The following SHC3 variants were observed in gnomAD, a reference collection of about 807,000 sequenced individuals.
SHC3 encodes SHC-transforming protein 3.
SHC3 carries 15 observed loss-of-function variants against 60.4 expected under a neutral mutation model. The ratio of observed to expected loss-of-function variants is 0.25; its 90% CI spans 0.17 to 0.38. SHC3 has a LOEUF of 0.38. SHC3 is among the 10% of genes least tolerant of loss of function. The pLI is 1.00. For missense variants in SHC3, 677 were observed against 786.1 expected (o/e 0.86, Z 1.66); for synonymous variants, 294 against 325.9 (o/e 0.90, Z 1.05).
At chr9:89,101,101 A>G (rs1033608134) in intron 2 of SHC3, among the ~76,000 whole-genome samples, 4 of 152,190 alleles carry the variant, frequency 2.6e-5, no homozygotes, top group African/African-American at 9.7e-5. Context: ...TCAATGTTCA[A>G]TAGTTCTTAG....
chr9:89,058,423 T>C (rs1824992731), intron 6 of SHC3, among the ~76,000 whole-genome samples: 1 of 135,026 alleles, frequency 7.4e-6, no homozygotes, highest in Admixed American at 7.4e-5. Flanking sequence ...TGGTATAGGA[T>C]GTGGTGGAGG....
chr9:89,042,886 A>C (rs1471990175), intron 9 of SHC3, among the ~76,000 whole-genome samples: 1 of 151,774 alleles, frequency 6.6e-6, no homozygotes, highest in Non-Finnish European at 1.5e-5. Context: ...ACAGGACTTC[A>C]CAGCTAGCCA....
At chr9:89,085,223 T>A (rs1485726033) in intron 2 of SHC3, among the ~76,000 whole-genome samples, 1 of 152,178 alleles carries the variant, frequency 6.6e-6, no homozygotes, top group East Asian at 1.9e-4. Context: ...TATGTGTGCA[T>A]CCCATGAAGC....
At chr9:89,089,734 C>T (rs188941927) in intron 2 of SHC3, among the ~76,000 whole-genome samples, 1 of 152,292 alleles carries the variant, frequency 6.6e-6, no homozygotes, top group East Asian at 1.9e-4. Flanking sequence ...TTCCCAGGTC[C>T]CAAGTCTTCT....
At chr9:89,128,213 T>C (rs1171584744) in intron 1 of SHC3, among the ~76,000 whole-genome samples, 2 of 152,162 alleles carry the variant, frequency 1.3e-5, no homozygotes, top group Admixed American at 1.3e-4. Flanking sequence ...TTAAAGATTA[T>C]TAGTAAAATT....
intron 1 of SHC3, among the ~76,000 whole-genome samples, chr9:89,120,391 A>G (rs1826076122): frequency 6.6e-6 from 1 of 152,164 alleles, no homozygotes; most frequent in Non-Finnish European, 1.5e-5. Flanking sequence ...AACTCCATAG[A>G]AAAAAATAGG....
chr9:89,062,196 C>T (rs1049136295), intron 6 of SHC3, among the ~76,000 whole-genome samples: 4 of 152,096 alleles, frequency 2.6e-5, no homozygotes, highest in Non-Finnish European at 4.4e-5. Flanking sequence ...GGGAGTCACC[C>T]GGTAGTAATG....
chr9:89,122,267 C>A (rs1028481167), intron 1 of SHC3, among the ~76,000 whole-genome samples: 3 of 152,220 alleles, frequency 2.0e-5, no homozygotes, highest in Non-Finnish European at 4.4e-5. Flanking sequence ...ATTTCTGAAG[C>A]AGTCAGTAAC....
chr9:89,018,485 C>T (rs959731633), intron 11 of SHC3, among the ~76,000 whole-genome samples: 1 of 152,044 alleles, frequency 6.6e-6, no homozygotes. Context: ...ACACCAGGGC[C>T]TGTCAGGGGG....
chr9:89,027,339 T>TTTTTTTTTTTTTTG (rs1564082528), intron 11 of SHC3, among the ~76,000 whole-genome samples: 1 of 151,124 alleles, frequency 6.6e-6, no homozygotes, highest in Admixed American at 6.6e-5. Flanking sequence ...TTTTTTTTTT[T>TTTTTTTTTTTTTTG]GAGACTGAGT....
At chr9:89,138,186 C>T (rs1185516302) in intron 1 of SHC3, among the ~76,000 whole-genome samples, 1 of 152,156 alleles carries the variant, frequency 6.6e-6, no homozygotes, top group African/African-American at 2.4e-5. Flanking sequence ...CCAATCCAGA[C>T]CCTAAGAGAG....
intron 1 of SHC3, among the ~76,000 whole-genome samples, chr9:89,130,505 A>G (rs1826228598): frequency 6.6e-6 from 1 of 152,238 alleles, no homozygotes; most frequent in Non-Finnish European, 1.5e-5. Flanking sequence ...AATTGACCAC[A>G]TAGTTGGAAT....
At chr9:89,057,852 A>T (rs1824981339) in intron 6 of SHC3, among the ~76,000 whole-genome samples, 1 of 152,174 alleles carries the variant, frequency 6.6e-6, no homozygotes. Flanking sequence ...GAGTTTTTAC[A>T]GGTGTGGTTA....
At chr9:89,029,008 G>C (rs1301632011) in intron 11 of SHC3, among the ~76,000 whole-genome samples, 1 of 139,356 alleles carries the variant, frequency 7.2e-6, no homozygotes, top group South Asian at 2.1e-4. Flanking sequence ...GATATCTATA[G>C]AGAGAGATAA....
In SHC3 at chr9:89,077,994, C is replaced by T. The variant is rs947808927; in HGVS notation, c.546-91G>A. 7 of 1,423,726 alleles carry T rather than the reference C, an allele frequency of 4.9e-6. No homozygotes were observed. In the African/African-American group the frequency reaches 9.8e-5, roughly 20 times the overall value. 88.2% of individuals were successfully genotyped at this position (1,423,726 alleles called of 1,614,324 possible). On this transcript the variant is annotated intron_variant, in intron 2 of 11. Coordinates refer to ENST00000375835, the MANE Select transcript of SHC3 (RefSeq NM_016848.6). ...ACACTTGCACATCCAAAGAAAATAA[C>T]TGCCTGTTTATTTCAGTATAGAAAA...
chr9:89,030,904 C>A (rs1449681020), intron 11 of SHC3, among the ~76,000 whole-genome samples: 1 of 152,110 alleles, frequency 6.6e-6, no homozygotes, highest in Non-Finnish European at 1.5e-5. Context: ...GTTCCTCTGT[C>A]CCCTGTAATT....
chr9:89,012,018 T>C lies in SHC3; in HGVS notation c.*1429A>G, dbSNP rs1369401055. On this transcript the variant is annotated 3_prime_UTR_variant, in exon 12 of 12. Coordinates refer to ENST00000375835, the MANE Select transcript of SHC3 (RefSeq NM_016848.6). ...CTCCTTACAGGATCAGATTTATCAC[T>C]ATCCAACTCTAAGCGTGTTTAGTGT... 1.3e-5 allele frequency: 2 copies of C among 152,258 alleles called. No individual in the cohort carries two copies. The highest frequency in any genetic ancestry group is 2.9e-5 in the Non-Finnish European group (2 of 68,062). The allele number at this position is 152,258 out of a possible 1,614,324, so 9.4% of individuals were successfully genotyped here. A position where few individuals can be genotyped will look rare whatever the true frequency, so the allele number is the denominator to read the frequency against.
At chr9:89,172,476 G>A (rs1245559793) in intron 1 of SHC3, among the ~76,000 whole-genome samples, 1 of 151,560 alleles carries the variant, frequency 6.6e-6, no homozygotes, top group Non-Finnish European at 1.5e-5. Flanking sequence ...AACTTGTAAG[G>A]CATATTGTGC....
At chr9:89,153,532 T>C (rs1452980710) in intron 1 of SHC3, among the ~76,000 whole-genome samples, 1 of 152,226 alleles carries the variant, frequency 6.6e-6, no homozygotes, top group Non-Finnish European at 1.5e-5. Flanking sequence ...CTCATGCTGT[T>C]ACTGCTGTGG....
Sources: allele counts gnomAD v4.1 joint callset (sites outside exome capture counted in the v4.1 genomes callset), GRCh38; gene constraint gnomAD v4.1.1; transcripts MANE v1.5; gene names NCBI Gene and HGNC (gene_info 2026-07-23, HGNC 2026-07-21).